RSPRY1: variants seen among roughly 807,000 people sequenced by gnomAD.
The protein encoded by RSPRY1 is RING finger and SPRY domain-containing protein 1.
RSPRY1 carries 23 observed loss-of-function variants against 73.1 expected under a neutral mutation model. That is an observed-to-expected ratio of 0.31 (90% CI 0.23 to 0.45). The LOEUF is 0.45. Ranked by LOEUF, RSPRY1 falls within the 20% of genes least tolerant of loss-of-function variation. The pLI is 1.00. For missense variants in RSPRY1, 448 were observed against 698.7 expected (o/e 0.64, Z 4.05); for synonymous variants, 226 against 251.4 (o/e 0.90, Z 0.95).
In RSPRY1 at chr16:57,229,690, C is replaced by CTTTTTTTTT. The variant is rs1162737560; in HGVS notation, c.1274-996_1274-988dup. On this transcript the variant is annotated intron_variant, in intron 11 of 14. Coordinates refer to ENST00000394420, the MANE Select transcript of RSPRY1 (RefSeq NM_133368.3). Reference sequence around the variant, plus strand: ...TTTATCTGATAAGTGAAGATAAATGCTTTTTTTTTTTTTTTTTTTTTTTTT... The same window carrying CTTTTTTTTT: ...TTTATCTGATAAGTGAAGATAAATGCTTTTTTTTTTTTTTTTTTTTTTTTTTTTTTTTTT... Among the ~76,000 whole-genome samples, 10 of 42,140 alleles carry CTTTTTTTTT rather than the reference C, an allele frequency of 2.4e-4. 2 individuals carry two copies. Among genetic ancestry groups the CTTTTTTTTT allele is most frequent in the African/African-American group, 4.9e-4 (5 of 10,198 alleles). 27.6% of individuals were successfully genotyped at this position (42,140 alleles called of 152,430 possible).
intron 1 of RSPRY1, among the ~76,000 whole-genome samples, chr16:57,198,080 A>G (rs930623941): frequency 2.3e-4 from 35 of 152,028 alleles, no homozygotes; most frequent in Admixed American, 1.1e-3. Context: ...ATATCATCCA[A>G]TCACCTTAAA....
chr16:57,192,053 AT>A (rs532522398), intron 1 of RSPRY1, among the ~76,000 whole-genome samples: 5 of 152,230 alleles, frequency 3.3e-5, no homozygotes, highest in Non-Finnish European at 7.3e-5. Flanking sequence ...AATGGTAAAT[AT>A]TTTGGAGAGA....
At position 57,222,940 on chromosome 16, in the gene RSPRY1, C is replaced by T. The variant is rs142514417; in HGVS notation, c.1161+1525C>T. On this transcript the variant is annotated intron_variant, in intron 10 of 14. Transcript: ENST00000394420. ...TTTCATCTGCTCGATGAAATTATAA[C>T]TTTTGCCATGTAGTTGCAGACCTTT... is the stretch of plus-strand genomic sequence containing the variant. Among the ~76,000 whole-genome samples, 1,106 of 152,234 alleles carry T rather than the reference C, an allele frequency of 7.3e-3. 12 individuals are homozygous for T. Among genetic ancestry groups the T allele is most frequent in the African/African-American group, 0.026 (1,066 of 41,530 alleles).
At chr16:57,236,900 C>T (rs538518157) in intron 14 of RSPRY1, among the ~76,000 whole-genome samples, 3 of 152,226 alleles carry the variant, frequency 2.0e-5, no homozygotes, top group South Asian at 4.2e-4. Context: ...GGCACGGTGG[C>T]TCACACCTGT....
intron 10 of RSPRY1, chr16:57,224,339 T>C (rs960832101): frequency 2.6e-5 from 4 of 152,260 alleles, no homozygotes; most frequent in African/African-American, 9.7e-5. Context: ...GGCAGAACAC[T>C]GTCTTCATAC....
chr16:57,202,196 T>G (rs559826947), intron 1 of RSPRY1, among the ~76,000 whole-genome samples: 14 of 148,338 alleles, frequency 9.4e-5, no homozygotes, highest in African/African-American at 3.5e-4. Context: ...AGAGGGAAAC[T>G]ATGAACACCA....
intron 13 of RSPRY1, among the ~76,000 whole-genome samples, chr16:57,232,630 C>G (rs1341439518): frequency 6.6e-6 from 1 of 152,202 alleles, no homozygotes; most frequent in East Asian, 1.9e-4. Context: ...ATTGATCCAT[C>G]TAAGTTCCCA....
At chr16:57,233,091 T>C (rs2075250390) in intron 13 of RSPRY1, among the ~76,000 whole-genome samples, 1 of 152,274 alleles carries the variant, frequency 6.6e-6, no homozygotes. Flanking sequence ...TGATACTTTA[T>C]ATTCATTGGA....
At chr16:57,217,463 A>G (rs144403290) in intron 8 of RSPRY1, among the ~76,000 whole-genome samples, 12 of 152,244 alleles carry the variant, frequency 7.9e-5, no homozygotes, top group Admixed American at 1.3e-4. Flanking sequence ...TGTCTTACCT[A>G]CATCATGAGA....
At chr16:57,195,219 G>A (rs1161295530) in intron 1 of RSPRY1, among the ~76,000 whole-genome samples, 1 of 152,180 alleles carries the variant, frequency 6.6e-6, no homozygotes, top group Non-Finnish European at 1.5e-5. Context: ...GTTATCGAGA[G>A]TATAATATTA....
intron 14 of RSPRY1, among the ~76,000 whole-genome samples, chr16:57,237,019 T>G (rs1449374693): frequency 6.6e-6 from 1 of 151,904 alleles, no homozygotes; most frequent in South Asian, 2.1e-4. Flanking sequence ...ACAAAAAAAA[T>G]TACCCGGGCG....
intron 1 of RSPRY1, among the ~76,000 whole-genome samples, chr16:57,197,416 T>C (rs1444390080): frequency 6.6e-6 from 1 of 152,194 alleles, no homozygotes; most frequent in East Asian, 1.9e-4. Context: ...GTACGTTTCA[T>C]AGGCTTGCCT....
intron 1 of RSPRY1, among the ~76,000 whole-genome samples, chr16:57,187,771 G>A (rs1476938998): frequency 1.3e-5 from 2 of 152,034 alleles, no homozygotes; most frequent in African/African-American, 2.4e-5. Context: ...AGCTTCTTAG[G>A]TCATATTAAG....
intron 10 of RSPRY1, among the ~76,000 whole-genome samples, chr16:57,226,970 C>G (rs1054663216): frequency 1.3e-5 from 2 of 152,218 alleles, no homozygotes; most frequent in Non-Finnish European, 2.9e-5. Flanking sequence ...AAACCTGGCT[C>G]TGTTTCTTGG....
chr16:57,214,017 C>G, intron 6 of RSPRY1, 71 bp downstream of exon 6: 1 of 1,051,338 alleles, frequency 9.5e-7, no homozygotes, highest in Non-Finnish European at 1.5e-6. Context: ...TGTGCATTTT[C>G]TCAAATTGCT....
rs2075135543 is a variant in RSPRY1, at chr16:57,227,330, G to C, written c.1162-12G>C. ...CAGACTTGCTAATCTTCTGGGCCTTGTCTCTCTCCAGGAAGGCTACGGCAT... is the reference window on the plus strand; with the variant it reads ...CAGACTTGCTAATCTTCTGGGCCTTCTCTCTCTCCAGGAAGGCTACGGCAT... On this transcript the variant is annotated splice_polypyrimidine_tract_variant and intron_variant, in intron 10 of 14. Transcript: ENST00000394420. The C allele has an allele frequency of 6.3e-7, 1 of 1,596,156 alleles. No individual in the cohort carries two copies. Among genetic ancestry groups the C allele is most frequent in the Non-Finnish European group, 8.6e-7 (1 of 1,163,934 alleles).
rs79865191 is a variant in RSPRY1 at position 57,203,349 on chromosome 16, T to A, written c.-155-1155T>A. ...AATGGGAGTAATATTTCTCTTCTAATTCCACTGAATTATAAATTTTGTTTA... is the reference window on the plus strand; with the variant it reads ...AATGGGAGTAATATTTCTCTTCTAAATCCACTGAATTATAAATTTTGTTTA... On this transcript the variant is annotated intron_variant, in intron 1 of 14. Transcript: ENST00000394420. Among the ~76,000 whole-genome samples, 1,090 of 152,308 alleles carry A rather than the reference T, an allele frequency of 7.2e-3. 12 individuals are homozygous for A. The highest frequency in any genetic ancestry group is 0.025 in the African/African-American group (1,050 of 41,564).
At position 57,238,842 on chromosome 16, in the gene RSPRY1, G is replaced by A. The variant is rs188581335; in HGVS notation, c.1635-37G>A. 7.4e-5 allele frequency: 94 copies of A among 1,262,136 alleles called. 1 individual carries two copies. The East Asian group carries it at 1.9e-3, about 26-fold the overall frequency. The allele number at this position is 1,262,136 out of a possible 1,614,324, so 78.2% of individuals were successfully genotyped here. On this transcript the variant is annotated intron_variant, in intron 14 of 14. Coordinates refer to ENST00000394420, the MANE Select transcript of RSPRY1 (RefSeq NM_133368.3). ...GGCAGTTGGAGTTTGACCTTTTGAA[G>A]CATTAACTTGACTGACTTTTCTGTG...
chr16:57,186,186 G>A (rs975108645), upstream of RSPRY1: 2 of 985,574 alleles, frequency 2.0e-6, no homozygotes, highest in Admixed American at 6.1e-5. Context: ...GCCAGTCTGC[G>A]CCTGGAGGGC....
Sources: allele counts gnomAD v4.1 joint callset (sites outside exome capture counted in the v4.1 genomes callset), GRCh38; gene constraint gnomAD v4.1.1; transcripts MANE v1.5; gene names NCBI Gene and HGNC (gene_info 2026-07-23, HGNC 2026-07-21).